MFSD8: variants seen among roughly 807,000 people sequenced by gnomAD.
The protein encoded by MFSD8 is major facilitator superfamily domain containing 8.
Under a neutral mutation model 66.4 loss-of-function variants are expected in MFSD8, and 55 were observed. The observed-to-expected ratio is 0.83, with a 90% CI of 0.67 to 1.04. The LOEUF is 1.04. Ranked by LOEUF, MFSD8 falls within the 50% of genes least tolerant of loss-of-function variation. The probability of loss-of-function intolerance (pLI) is 0.00; values close to 1 mark genes in which losing one functional copy is unlikely to be tolerated. For synonymous variants in MFSD8, 202 were observed against 212.8 expected, an observed-to-expected ratio of 0.95 and a Z score of 0.44; for missense variants, 550 against 627.6, an observed-to-expected ratio of 0.88 and a Z score of 1.32.
At chr4:127,930,650 A>G (rs1331809194) in intron 9 of MFSD8, 33 bp downstream of exon 9, 1 of 1,610,742 alleles carries the variant, frequency 6.2e-7, no homozygotes, top group African/African-American at 1.3e-5. Flanking sequence ...TATTTTTTAA[A>G]AACAGACATA....
chr4:127,929,495 G>A lies in MFSD8; in HGVS notation c.998+1188C>T, dbSNP rs116135490. On this transcript the variant is annotated intron_variant, in intron 9 of 11. Transcript: ENST00000641686. ...CCTAACTACTCATGAAGCTGAGACAGGAGGATTGCTTCAGCCCAGGAGTCT... is the reference window on the plus strand; with the variant it reads ...CCTAACTACTCATGAAGCTGAGACAAGAGGATTGCTTCAGCCCAGGAGTCT... Among the ~76,000 whole-genome samples the A allele has an allele frequency of 5.2e-3, 782 of 151,646 alleles. 8 individuals carry two copies. Among genetic ancestry groups the A allele is most frequent in the African/African-American group, 0.018 (755 of 41,352 alleles).
chr4:127,946,035 C>A (rs2148929802), intron 3 of MFSD8, among the ~76,000 whole-genome samples: 1 of 151,838 alleles, frequency 6.6e-6, no homozygotes, highest in African/African-American at 2.4e-5. Flanking sequence ...ATCCTCCCAA[C>A]TCAGGCTCCC....
rs1265400092 is a variant in MFSD8 at position 127,939,921 on chromosome 4, A to AT, written c.629dup (p.Tyr210Ter). 1 of 1,613,628 alleles carries AT rather than the reference A, an allele frequency of 6.2e-7. No homozygotes were observed. Among genetic ancestry groups the AT allele is most frequent in the Non-Finnish European group, 8.5e-7 (1 of 1,179,692 alleles). ...AGGCGCTAAGTAAAACTGGTGTTGT[A>AT]TACATGTTTATCTGCAGTTTAATCA... is the stretch of plus-strand genomic sequence containing the variant. ...WDVIKLQINM[Y>*]TTPVLLSAFL... The change falls in exon 6 of 12, where the codon TAT becomes TAAT. Residue 210 changes from tyrosine (Y) to a stop codon, truncating the protein, a stop_gained and frameshift_variant. Transcript: ENST00000641686. LOFTEE classifies it high-confidence loss of function.
At chr4:127,937,051 T>C (rs1739206030) in intron 7 of MFSD8, among the ~76,000 whole-genome samples, 1 of 152,242 alleles carries the variant, frequency 6.6e-6, no homozygotes, top group Non-Finnish European at 1.5e-5. Flanking sequence ...TCTTTGTGTT[T>C]TATTTTGAAA....
rs754186602 is a variant in MFSD8 at position 127,949,921 on chromosome 4, G to A, written c.155-74C>T. On this transcript the variant is annotated intron_variant, in intron 2 of 11. Transcript: ENST00000641686. The stretch of plus-strand genomic sequence containing the variant: ...TATTACAGATACAATTTTCTGAACC[G>A]TGGCATGGATTTTAAAATATTCTGA... 2.2e-5 allele frequency: 29 copies of A among 1,335,602 alleles called. No homozygotes were observed. In the Middle Eastern group the frequency reaches 6.3e-4, roughly 29 times the overall value. The allele number at this position is 1,335,602 out of a possible 1,614,324, so 82.7% of individuals were successfully genotyped here.
At chr4:127,948,397 G>A (rs545368750) in intron 3 of MFSD8, among the ~76,000 whole-genome samples, 1 of 152,310 alleles carries the variant, frequency 6.6e-6, no homozygotes, top group South Asian at 2.1e-4. Flanking sequence ...TTATGCCAGT[G>A]TATGAAATCC....
At chr4:127,954,831 T>C (rs939562714) in intron 2 of MFSD8, among the ~76,000 whole-genome samples, 3 of 152,192 alleles carry the variant, frequency 2.0e-5, no homozygotes, top group African/African-American at 7.2e-5. Context: ...GCAATGGTCT[T>C]GAACAAACAC....
intron 1 of MFSD8, among the ~76,000 whole-genome samples, chr4:127,962,276 T>G (rs1410318123): frequency 6.6e-6 from 1 of 152,094 alleles, no homozygotes; most frequent in Non-Finnish European, 1.5e-5. Flanking sequence ...CAGATCAGCC[T>G]GGCCACCTGG....
At position 127,920,391 on chromosome 4, in the gene MFSD8, TATAAGA is replaced by T. The variant is rs1459186509; in HGVS notation, c.*233_*238del. ...AGTTCATGCAACCACAAAAAGGTAT[TATAAGA>T]ATAATATTTCATTTCTGAGGTAAGG... On this transcript the variant is annotated 3_prime_UTR_variant, in exon 12 of 12. Transcript: ENST00000641686. The T allele has an allele frequency of 5.7e-6, 3 of 527,554 alleles. No individual in the cohort carries two copies. The highest frequency in any genetic ancestry group is 1.0e-5 in the Non-Finnish European group (3 of 292,380). 32.7% of individuals were successfully genotyped at this position (527,554 alleles called of 1,614,324 possible).
chr4:127,959,344 A>G (rs1207774799), intron 1 of MFSD8, among the ~76,000 whole-genome samples: 1 of 152,236 alleles, frequency 6.6e-6, no homozygotes, highest in African/African-American at 2.4e-5. Flanking sequence ...AGACCTAACA[A>G]CAAATGCATA....
chr4:127,939,966 T>C lies in MFSD8; in HGVS notation c.585A>G (p.Glu195=). ...VFQTCFTFLG[E]KGVTWDVIKL... is the part of the protein sequence containing the mutation. Reference sequence around the variant, plus strand: ...TAATCACATCCCATGTCACACCTTTTTCTCCAAGGAATGTAAAACAAGTCT... The same window carrying C: ...TAATCACATCCCATGTCACACCTTTCTCTCCAAGGAATGTAAAACAAGTCT... The change falls in exon 6 of 12, where the codon GAA becomes GAG. Residue 195 remains glutamate (E), a synonymous_variant. Transcript: ENST00000641686. 6.2e-7 allele frequency: 1 copy of C among 1,613,574 alleles called. No individual in the cohort carries two copies. The highest frequency in any genetic ancestry group is 1.1e-5 in the South Asian group (1 of 91,024).
chr4:127,925,481 T>C (rs900540129), intron 9 of MFSD8, among the ~76,000 whole-genome samples: 1 of 151,986 alleles, frequency 6.6e-6, no homozygotes, highest in African/African-American at 2.4e-5. Flanking sequence ...AACAAACATA[T>C]GAAAAAAAGC....
At chr4:127,934,940 AGTGGGTGG>A in intron 7 of MFSD8, among the ~76,000 whole-genome samples, 1 of 26,028 alleles carries the variant, frequency 3.8e-5, no homozygotes, top group Non-Finnish European at 7.1e-5. Context: ...AGTTGTTGTT[AGTGGGTGG>A]GTGGGGGGGC....
chr4:127,950,692 CA>C (rs113940618), intron 2 of MFSD8, among the ~76,000 whole-genome samples: 5,326 of 146,818 alleles, frequency 0.036, 317 homozygotes, highest in African/African-American at 0.13. Flanking sequence ...GACTCCATCT[CA>C]AAAAAAAATT....
At chr4:127,959,815 CT>C (rs1449355761) in intron 1 of MFSD8, among the ~76,000 whole-genome samples, 1 of 152,086 alleles carries the variant, frequency 6.6e-6, no homozygotes, top group Non-Finnish European at 1.5e-5. Context: ...AAAAAATTAT[CT>C]TTCTACCTTG....
intron 3 of MFSD8, among the ~76,000 whole-genome samples, chr4:127,946,083 C>A (rs1740983313): frequency 6.6e-6 from 1 of 151,894 alleles, no homozygotes; most frequent in South Asian, 2.1e-4. Context: ...CCACCATACC[C>A]AGATAACTTT....
intron 4 of MFSD8, 38 bp downstream of exon 4, chr4:127,943,714 T>G (rs760339880): frequency 6.2e-7 from 1 of 1,613,548 alleles, no homozygotes; most frequent in Non-Finnish European, 8.5e-7. Context: ...AGAATGAATG[T>G]GAATATGACA....
intron 2 of MFSD8, among the ~76,000 whole-genome samples, chr4:127,951,155 TCAATGGGTTTTAATATAATCA>T (rs1260035595): frequency 2.8e-4 from 43 of 152,284 alleles, no homozygotes; most frequent in African/African-American, 7.9e-4. Flanking sequence ...AGTATACAAT[TCAATGGGTTTTAATATAATCA>T]CAATGGGTTT....
chr4:127,923,545 A>AAT (rs1553944502), intron 9 of MFSD8, among the ~76,000 whole-genome samples: 2 of 114,572 alleles, frequency 1.7e-5, no homozygotes, highest in Non-Finnish European at 3.4e-5. Flanking sequence ...TTTATTTTTT[A>AAT]TTTTTATTTA....
Sources: allele counts gnomAD v4.1 joint callset (sites outside exome capture counted in the v4.1 genomes callset), GRCh38; gene constraint gnomAD v4.1.1; transcripts MANE v1.5; gene names NCBI Gene and HGNC (gene_info 2026-07-23, HGNC 2026-07-21).